Variants in FUT8 observed in about 807,000 individuals in gnomAD.
The protein encoded by FUT8 is fucosyltransferase 8.
A neutral mutation model predicts 71.3 loss-of-function variants in FUT8; 29 were observed. That is an observed-to-expected ratio of 0.41 (90% confidence interval 0.30 to 0.55). The LOEUF is 0.55. Ranked by LOEUF, FUT8 falls within the 20% of genes least tolerant of loss-of-function variation. FUT8 has a pLI of 0.34. For synonymous variants in FUT8, 254 were observed against 239.3 expected, an observed-to-expected ratio of 1.06 and a Z score of -0.57; for missense variants, 544 against 702.1, an observed-to-expected ratio of 0.77 and a Z score of 2.55.
intron 2 of FUT8, among the ~76,000 whole-genome samples, chr14:65,464,568 A>G (rs2066014853): frequency 6.6e-6 from 1 of 151,862 alleles, no homozygotes; most frequent in African/African-American, 2.4e-5. Context: ...GTAATTATTA[A>G]CTGATGTAGA....
At chr14:65,528,002 C>G (rs759700129) in intron 2 of FUT8, among the ~76,000 whole-genome samples, 1 of 152,190 alleles carries the variant, frequency 6.6e-6, no homozygotes, top group African/African-American at 2.4e-5. Context: ...GGTCAGTGAC[C>G]TACTTGAGGA....
Position 65,550,835 on chromosome 14 carries a change from G to A in FUT8, c.-227-10502G>A, listed in dbSNP as rs922521431. 6.6e-6 allele frequency among the ~76,000 whole-genome samples: 1 copy of A among 152,002 alleles called. No homozygotes were observed. The highest frequency in any genetic ancestry group is 2.4e-5 in the African/African-American group (1 of 41,398). The stretch of plus-strand genomic sequence containing the variant: ...TCATAGTATAAAATACATATTTTTG[G>A]CAAAGTAATTAATACTTTATTCAAC... On this transcript the variant is annotated intron_variant, in intron 2 of 10. Coordinates refer to ENST00000673929, the MANE Select transcript of FUT8 (RefSeq NM_001371533.1). This position sits in a 1 kb window ranked among gnomAD's most constrained non-coding sequence, Gnocchi z 4.5.
chr14:65,530,833 C>T (rs1456626571), intron 2 of FUT8, among the ~76,000 whole-genome samples: 6 of 149,166 alleles, frequency 4.0e-5, no homozygotes, highest in African/African-American at 1.5e-4. Context: ...CTCTCTCTCC[C>T]TCCCTCCCCC....
At chr14:65,686,432 A>C (rs543623726) in intron 7 of FUT8, among the ~76,000 whole-genome samples, 1 of 152,346 alleles carries the variant, frequency 6.6e-6, no homozygotes, top group South Asian at 2.1e-4. Context: ...GAAATGAAAG[A>C]AAGCACCCAT....
chr14:65,576,528 G>T (rs550009080), intron 3 of FUT8, among the ~76,000 whole-genome samples: 1 of 151,412 alleles, frequency 6.6e-6, no homozygotes, highest in African/African-American at 2.4e-5. Flanking sequence ...ACTTGTTTCC[G>T]TTTTTGTTTT....
chr14:65,535,602 C>T (rs534989025), intron 2 of FUT8, among the ~76,000 whole-genome samples: 6 of 152,234 alleles, frequency 3.9e-5, no homozygotes, highest in Admixed American at 3.3e-4. Flanking sequence ...GAGTGATTTT[C>T]TTAGTCCCAA....
chr14:65,452,713 A>AT (rs1329294102), intron 1 of FUT8, among the ~76,000 whole-genome samples: 1 of 152,222 alleles, frequency 6.6e-6, no homozygotes, highest in African/African-American at 2.4e-5. Context: ...CCAAAAAGGA[A>AT]TTGAGGGAAT....
chr14:65,449,717 G>A (rs969808071), intron 1 of FUT8, among the ~76,000 whole-genome samples: 4 of 152,154 alleles, frequency 2.6e-5, no homozygotes, highest in Non-Finnish European at 5.9e-5. Context: ...TCTTCATAGT[G>A]AGCAGCCTCT....
At chr14:65,392,919 C>T in the FUT8 span, among the ~76,000 whole-genome samples, 2 of 152,174 alleles carry the variant, frequency 1.3e-5, no homozygotes, top group Admixed American at 1.3e-4. Context: ...AAGTATGTCC[C>T]AGGCGATACC....
At chr14:65,598,864 C>T (rs530597695) in intron 3 of FUT8, among the ~76,000 whole-genome samples, 216 of 152,290 alleles carry the variant, frequency 1.4e-3, no homozygotes, top group African/African-American at 5.0e-3. Flanking sequence ...AATCTTGGCT[C>T]AGTGCAACCT....
chr14:65,486,517 A>G (rs2066411471), intron 2 of FUT8, among the ~76,000 whole-genome samples: 1 of 152,246 alleles, frequency 6.6e-6, no homozygotes, highest in Non-Finnish European at 1.5e-5. Context: ...AGAAGTCTTT[A>G]AGTCATGGAG....
chr14:65,420,990 C>G (rs895899792), intron 1 of FUT8, among the ~76,000 whole-genome samples: 1 of 152,012 alleles, frequency 6.6e-6, no homozygotes, highest in Non-Finnish European at 1.5e-5. Flanking sequence ...GTCAAGAGAT[C>G]GAGACCATCC....
chr14:65,461,219 T>C (rs1009230381), intron 2 of FUT8, among the ~76,000 whole-genome samples: 3 of 152,174 alleles, frequency 2.0e-5, no homozygotes, highest in Non-Finnish European at 4.4e-5. Context: ...TTCTTGACTT[T>C]TGGTAGCATA....
At chr14:65,650,899 C>T (rs1891377148) in intron 6 of FUT8, among the ~76,000 whole-genome samples, 1 of 152,108 alleles carries the variant, frequency 6.6e-6, no homozygotes, top group Non-Finnish European at 1.5e-5. Context: ...AGTTGCAGTC[C>T]CTTCCCCAGG....
intron 6 of FUT8, among the ~76,000 whole-genome samples, chr14:65,633,578 C>T (rs1394660476): frequency 6.7e-6 from 1 of 149,636 alleles, no homozygotes. Context: ...AAGTGAGGAG[C>T]GTCTCTGCCC....
chr14:65,416,513 A>G (rs1008469560), intron 1 of FUT8, among the ~76,000 whole-genome samples: 18 of 152,210 alleles, frequency 1.2e-4, no homozygotes, highest in Middle Eastern at 3.4e-3. Flanking sequence ...TTCAAAGGAG[A>G]TATCAACTTC....
intron 3 of FUT8, among the ~76,000 whole-genome samples, chr14:65,570,093 A>C (rs1325517691): frequency 6.6e-6 from 1 of 152,070 alleles, no homozygotes; most frequent in Non-Finnish European, 1.5e-5. Flanking sequence ...CTGTGAGTTT[A>C]AGGTAGACCT....
Position 65,632,887 on chromosome 14 carries a change from T to A in FUT8, c.597+3281T>A, listed in dbSNP as rs556181345. Among the ~76,000 whole-genome samples the A allele has an allele frequency of 2.9e-4, 44 of 152,256 alleles. No homozygotes were observed. The East Asian group carries it at 7.5e-3, about 26-fold the overall frequency. On this transcript the variant is annotated intron_variant, in intron 6 of 10. Coordinates refer to ENST00000673929, the MANE Select transcript of FUT8 (RefSeq NM_001371533.1). ...AGTCCTTATTCCATCTTGAGTTGATTTTTGTATAAGGTGAGAGATGAGGAT... is the reference window on the plus strand; with the variant it reads ...AGTCCTTATTCCATCTTGAGTTGATATTTGTATAAGGTGAGAGATGAGGAT...
intron 6 of FUT8, among the ~76,000 whole-genome samples, chr14:65,644,033 G>A (rs900265969): frequency 6.6e-6 from 1 of 151,966 alleles, no homozygotes; most frequent in African/African-American, 2.4e-5. Flanking sequence ...TAGAAATAGA[G>A]TAATAATGGA....
Sources: gnomAD v4.1 joint callset for allele counts (sites outside exome capture counted in the v4.1 genomes callset) on GRCh38, gnomAD v4.1.1 for gene constraint, Gnocchi (gnomAD v3.1) non-coding constraint, MANE v1.5 for transcripts, NCBI Gene and HGNC (gene_info 2026-07-23, HGNC 2026-07-21) for gene names.